Variants in BCL2L13 observed in about 807,000 individuals in gnomAD.
BCL2L13 encodes the protein BCL2 like 13, also known as bcl-2-like protein 13.
In BCL2L13, 13 loss-of-function variants were observed where a neutral mutation model predicts 25.8. The observed-to-expected ratio is 0.50, with a 90% confidence interval of 0.33 to 0.80. The LOEUF is 0.80. BCL2L13 is among the 30% of genes least tolerant of loss of function. The pLI is 0.02. For synonymous variants in BCL2L13, 244 were observed against 230.3 expected (o/e 1.06, Z -0.54); for missense variants, 504 against 574.9 (o/e 0.88, Z 1.26).
chr22:17,697,652 CAGCTATTATATT>C (rs2145681143), intron 5 of BCL2L13, among the ~76,000 whole-genome samples: 1 of 152,202 alleles, frequency 6.6e-6, no homozygotes, highest in African/African-American at 2.4e-5. Flanking sequence ...CAGTAAACAG[CAGCTATTATATT>C]AGCTTTAACA....
intron 1 of BCL2L13, among the ~76,000 whole-genome samples, chr22:17,630,817 C>T (rs1335906139): frequency 6.6e-6 from 1 of 151,446 alleles, no homozygotes; most frequent in Non-Finnish European, 1.5e-5. Context: ...TCTTGAACTC[C>T]CGACCTCAGG....
intron 6 of BCL2L13, among the ~76,000 whole-genome samples, chr22:17,722,855 T>C (rs1295558185): frequency 2.6e-5 from 4 of 152,200 alleles, no homozygotes; most frequent in Admixed American, 2.6e-4. Flanking sequence ...AGGATATCTT[T>C]AATTTCTTTC....
At chr22:17,630,126 G>A (rs1423478387) in intron 1 of BCL2L13, among the ~76,000 whole-genome samples, 1 of 150,878 alleles carries the variant, frequency 6.6e-6, no homozygotes, top group Non-Finnish European at 1.5e-5. Flanking sequence ...GCTGAGGCAG[G>A]AGAATTGCTT....
In BCL2L13 at chr22:17,696,903, G is replaced by A. The variant is rs548702548; in HGVS notation, c.456+693G>A. 3.3e-5 allele frequency among the ~76,000 whole-genome samples: 5 copies of A among 152,242 alleles called. No individual in the cohort carries two copies. The East Asian group carries it at 9.7e-4, about 29-fold the overall frequency. On this transcript the variant is annotated intron_variant, in intron 5 of 6. Coordinates refer to ENST00000317582, the MANE Select transcript of BCL2L13 (RefSeq NM_015367.4). ...GCAGGGTATAGGGGGATGCAGTATA[G>A]GGTGGCTTAGTGCAGTGTGAGAAAG...
chr22:17,672,792 C>G (rs929313337), intron 2 of BCL2L13, among the ~76,000 whole-genome samples: 13 of 152,128 alleles, frequency 8.5e-5, no homozygotes, highest in Non-Finnish European at 1.8e-4. Flanking sequence ...TTTCTTTAAT[C>G]TGGTGGGGTG....
rs753141977 is a variant in BCL2L13 at position 17,702,211 on chromosome 22, T to A, written c.457-32T>A. 12 of 1,537,036 alleles carry A rather than the reference T, an allele frequency of 7.8e-6. No homozygotes were observed. In the Admixed American group the frequency reaches 1.5e-4, roughly 19 times the overall value. ...AAAACACATTATAAGAATTTCAGTGTGGTTTTTTATTCTCTCATCTTTGCA... is the reference window on the plus strand; with the variant it reads ...AAAACACATTATAAGAATTTCAGTGAGGTTTTTTATTCTCTCATCTTTGCA... On this transcript the variant is annotated intron_variant, in intron 5 of 6. Transcript: ENST00000317582.
rs1192701115 is a variant in BCL2L13, at chr22:17,659,850, CTTATTT to C, written c.121+4025_121+4030del. On this transcript the variant is annotated intron_variant, in intron 2 of 6. Transcript: ENST00000317582. ...TATACAAACATTTAATTTATTTATT[CTTATTT>C]TTATTTATTTATTTTTGAGACAAGA... Among the ~76,000 whole-genome samples the C allele has an allele frequency of 2.1e-5, 3 of 145,630 alleles. 1 individual carries two copies. Among genetic ancestry groups the C allele is most frequent in the Non-Finnish European group, 4.7e-5 (3 of 64,118 alleles).
intron 1 of BCL2L13, among the ~76,000 whole-genome samples, chr22:17,639,415 C>T (rs2058187264): frequency 6.6e-6 from 1 of 152,274 alleles, no homozygotes; most frequent in African/African-American, 2.4e-5. Context: ...GCCTTCTTGC[C>T]CTTGGAGGCA....
At position 17,727,127 on chromosome 22, in the gene BCL2L13, G is replaced by A. The variant is rs766620136; in HGVS notation, c.1051G>A (p.Ala351Thr). Reference protein sequence around the residue: ...APAPLLPHITATSLLGTREPD... With the variant: ...APAPLLPHITTTSLLGTREPD... The stretch of plus-strand genomic sequence containing the variant: ...AGCTCCCTTGCTTCCACATATCACT[G>A]CCACCTCCCTGCTGGGGACAAGGGA... Residue 351 changes from alanine (A) to threonine (T), a missense_variant, in exon 7 of 7, where the codon GCC becomes ACC. By Grantham distance (58) the Ala-to-Thr change is moderately conservative. Coordinates refer to ENST00000317582, the MANE Select transcript of BCL2L13 (RefSeq NM_015367.4). The A allele has an allele frequency of 1.9e-6, 3 of 1,614,178 alleles. No homozygotes were observed. Among genetic ancestry groups the A allele is most frequent in the Admixed American group, 3.3e-5 (2 of 60,024 alleles).
intron 1 of BCL2L13, among the ~76,000 whole-genome samples, chr22:17,648,022 T>G (rs2058554342): frequency 6.6e-6 from 1 of 151,380 alleles, no homozygotes; most frequent in Admixed American, 6.6e-5. Flanking sequence ...CCGAGCTGCT[T>G]GGGAGGCTGA....
intron 2 of BCL2L13, among the ~76,000 whole-genome samples, chr22:17,678,812 G>A (rs1490823653): frequency 3.9e-5 from 6 of 152,204 alleles, no homozygotes; most frequent in Non-Finnish European, 7.3e-5. Flanking sequence ...ATAAATAGCA[G>A]GTAGTCAATG....
At chr22:17,704,999 A>AG (rs2145724902) in intron 6 of BCL2L13, among the ~76,000 whole-genome samples, 1 of 152,180 alleles carries the variant, frequency 6.6e-6, no homozygotes, top group African/African-American at 2.4e-5. Flanking sequence ...AAAAAAAAAA[A>AG]AAGTATAGGA....
chr22:17,664,421 C>G (rs1012399422), intron 2 of BCL2L13, among the ~76,000 whole-genome samples: 9 of 152,298 alleles, frequency 5.9e-5, no homozygotes, highest in African/African-American at 1.9e-4. Context: ...AGCCACCCCC[C>G]CCCGGCTCCT....
chr22:17,673,533 A>ATTTTTTT (rs34253686), intron 2 of BCL2L13, among the ~76,000 whole-genome samples: 3 of 131,074 alleles, frequency 2.3e-5, no homozygotes, highest in Non-Finnish European at 4.9e-5. Context: ...ATGCCTGGCA[A>ATTTTTTT]TTTTTTTTTT....
intron 1 of BCL2L13, among the ~76,000 whole-genome samples, chr22:17,648,839 GT>G (rs1271591608): frequency 1.6e-4 from 24 of 152,168 alleles, no homozygotes; most frequent in African/African-American, 5.5e-4. Context: ...GTGATTTGTA[GT>G]TTGTCTCTGG....
intron 6 of BCL2L13, among the ~76,000 whole-genome samples, chr22:17,720,215 CTGCAG>C (rs1421940241): frequency 8.8e-6 from 1 of 114,094 alleles, no homozygotes; most frequent in Non-Finnish European, 1.9e-5. Flanking sequence ...GTCATTCAGG[CTGCAG>C]TGCAGTGGCA....
At chr22:17,709,922 T>C (rs2060699027) in intron 6 of BCL2L13, among the ~76,000 whole-genome samples, 1 of 151,620 alleles carries the variant, frequency 6.6e-6, no homozygotes, top group Non-Finnish European at 1.5e-5. Flanking sequence ...CTACAAAAAA[T>C]ATAAAAATTA....
Position 17,727,215 on chromosome 22 carries a change from T to G in BCL2L13, c.1139T>G (p.Leu380Arg), listed in dbSNP as rs757551138. Residue 380 changes from leucine (L) to arginine (R), a missense_variant, in exon 7 of 7, where the codon CTT becomes CGT. Transcript: ENST00000317582. ...SSPATSLFVE[L>R]DEEEVKAATT... The stretch of plus-strand genomic sequence containing the variant: ...CCTGCTACATCTCTGTTTGTAGAAC[T>G]TGATGAAGAAGAGGTGAAAGCAGCA... 6.2e-7 allele frequency: 1 copy of G among 1,614,208 alleles called. No individual in the cohort carries two copies. The highest frequency in any genetic ancestry group is 8.5e-7 in the Non-Finnish European group (1 of 1,180,042).
intron 2 of BCL2L13, among the ~76,000 whole-genome samples, chr22:17,666,317 G>A (rs1328974659): frequency 6.6e-6 from 1 of 151,982 alleles, no homozygotes; most frequent in African/African-American, 2.4e-5. Flanking sequence ...ACATCATAGG[G>A]AATGGGGTAT....
Sources: gnomAD v4.1 joint callset for allele counts (sites outside exome capture counted in the v4.1 genomes callset) on GRCh38, gnomAD v4.1.1 for gene constraint, MANE v1.5 for transcripts, NCBI Gene and HGNC (gene_info 2026-07-23, HGNC 2026-07-21) for gene names.